The following IREB2 variants were observed in gnomAD, a reference collection of about 807,000 sequenced individuals.
The protein encoded by IREB2 is iron responsive element binding protein 2, also known as iron-responsive element-binding protein 2.
Under a neutral mutation model 118.8 loss-of-function variants are expected in IREB2, and 39 were observed. That is an observed-to-expected ratio of 0.33 (90% confidence interval 0.25 to 0.43). The LOEUF (loss-of-function observed/expected upper bound fraction) is 0.43. IREB2 is among the 20% of genes least tolerant of loss of function. The pLI is 1.00. For synonymous variants in IREB2, 372 were observed against 392.2 expected (o/e 0.95, Z 0.61); for missense variants, 900 against 1,147.3 (o/e 0.78, Z 3.11).
At chr15:78,445,145 T>TTA (rs1567161630) in intron 2 of IREB2, among the ~76,000 whole-genome samples, 6 of 151,402 alleles carry the variant, frequency 4.0e-5, no homozygotes, top group Non-Finnish European at 7.4e-5. Flanking sequence ...TATTTTTTTT[T>TTA]TTTTTTTTTT....
At chr15:78,440,567 G>C (rs1018624132) in intron 2 of IREB2, among the ~76,000 whole-genome samples, 2 of 152,094 alleles carry the variant, frequency 1.3e-5, no homozygotes, top group Non-Finnish European at 2.9e-5. Context: ...GGGTCTTGCT[G>C]TGTTGCCCAG....
At chr15:78,445,113 A>G (rs968969287) in intron 2 of IREB2, among the ~76,000 whole-genome samples, 40 of 148,056 alleles carry the variant, frequency 2.7e-4, no homozygotes, top group African/African-American at 9.4e-4. Context: ...TACTTTCACT[A>G]TTTACTGTTG....
Position 78,463,057 on chromosome 15 carries a change from TC to T in IREB2, c.245del (p.Pro82LeufsTer21). ...TKQSNVEVPF[F>X]PARVLLQDFT... Reference sequence around the variant, plus strand: ...CAAAGCAATGTTGAAGTGCCCTTTTTCCCTGCCCGTGTTCTTCTTCAAGATT... The same window carrying T: ...CAAAGCAATGTTGAAGTGCCCTTTTTCCTGCCCGTGTTCTTCTTCAAGATT... On this transcript the variant is annotated frameshift_variant, in exon 3 of 22. Transcript: ENST00000258886. LOFTEE classifies it high-confidence loss of function. 6.2e-7 allele frequency: 1 copy of T among 1,608,818 alleles called. No individual in the cohort carries two copies. The highest frequency in any genetic ancestry group is 8.5e-7 in the Non-Finnish European group (1 of 1,178,550).
Position 78,488,761 on chromosome 15 carries a change from A to C in IREB2, c.2066A>C (p.Asp689Ala), listed in dbSNP as rs777596001. The C allele has an allele frequency of 6.6e-7, 1 of 1,512,084 alleles. No homozygotes were observed. 93.7% of individuals were successfully genotyped at this position (1,512,084 alleles called of 1,614,324 possible). A position where few individuals can be genotyped will look rare whatever the true frequency, so the allele number is the denominator to read the frequency against. Residue 689 changes from aspartate to alanine, a missense_variant, in exon 16 of 22, where the codon GAT (aspartate) becomes GCT (alanine). Transcript: ENST00000258886. ...VILSMFKALK[D>A]KIEMGNKRWN... ...CTATCCATGTTTAAAGCATTAAAAG[A>C]TAAAATAGAAGTAAGAGTCTTATGT...
At chr15:78,457,449 T>C (rs1043699138) in intron 2 of IREB2, among the ~76,000 whole-genome samples, 2 of 152,186 alleles carry the variant, frequency 1.3e-5, no homozygotes, top group African/African-American at 4.8e-5. Flanking sequence ...GCCTGAGAAA[T>C]ACATTTTTGA....
At chr15:78,459,862 G>A (rs2051169074) in intron 2 of IREB2, among the ~76,000 whole-genome samples, 1 of 151,994 alleles carries the variant, frequency 6.6e-6, no homozygotes, top group Admixed American at 6.6e-5. Context: ...TCTTTATCCT[G>A]TAGAATGTCC....
chr15:78,473,598 C>G, intron 8 of IREB2: 1 of 501,814 alleles, frequency 2.0e-6, no homozygotes, highest in Non-Finnish European at 3.5e-6. Flanking sequence ...TATGTTAGCT[C>G]ATTTAGTCCT....
rs1395452152 is a variant in IREB2 at position 78,497,122 on chromosome 15, A to G, written c.2596-4A>G. 3 of 1,608,902 alleles carry G rather than the reference A, an allele frequency of 1.9e-6. No homozygotes were observed. The African/African-American group carries it at 4.0e-5, about 21-fold the overall frequency. On this transcript the variant is annotated splice_polypyrimidine_tract_variant and splice_region_variant and intron_variant, in intron 20 of 21. Transcript: ENST00000258886. ...AGAGGGAATAAAATGCACATTTATT[A>G]CAGGGTGTGAAAGCTGTTTTGGCCG...
Position 78,485,822 on chromosome 15 carries a change from C to T in IREB2, c.1691C>T (p.Pro564Leu). The T allele has an allele frequency of 6.2e-7, 1 of 1,613,524 alleles. No homozygotes were observed. The highest frequency in any genetic ancestry group is 8.5e-7 in the Non-Finnish European group (1 of 1,179,662). Reference sequence around the variant, plus strand: ...TACCTCAGTTCAAGTGGAGTATTACCATATCTAAGTAAGCTTGGGTAAGTA... The same window carrying T: ...TACCTCAGTTCAAGTGGAGTATTACTATATCTAAGTAAGCTTGGGTAAGTA... ...THYLSSSGVLPYLSKLGFEIV... is the reference protein window; with the variant it reads ...THYLSSSGVLLYLSKLGFEIV... The change falls in exon 13 of 22, where the codon CCA becomes CTA. Residue 564 changes from proline (P) to leucine (L), a missense_variant. Physicochemically the swap from Pro to Leu is moderately conservative, Grantham distance 98. Transcript: ENST00000258886.
chr15:78,481,863 AAATCAT>A, intron 10 of IREB2: 1 of 152,358 alleles, frequency 6.6e-6, no homozygotes, highest in South Asian at 2.1e-4. Context: ...AATAAAACTA[AAATCAT>A]TAGGATGTTG....
chr15:78,475,338 A>G (rs1426310393), intron 8 of IREB2: 2 of 152,230 alleles, frequency 1.3e-5, no homozygotes, highest in Non-Finnish European at 2.9e-5. Flanking sequence ...AAATAATTTT[A>G]GAAGGAATTA....
intron 2 of IREB2, among the ~76,000 whole-genome samples, chr15:78,445,033 TATC>T (rs1480835647): frequency 2.0e-5 from 3 of 152,226 alleles, no homozygotes; most frequent in African/African-American, 7.2e-5. Flanking sequence ...TGTGCAAACT[TATC>T]ATTATATAGA....
intron 2 of IREB2, among the ~76,000 whole-genome samples, chr15:78,444,031 G>T (rs895506804): frequency 2.6e-5 from 4 of 151,924 alleles, no homozygotes; most frequent in Non-Finnish European, 5.9e-5. Context: ...AATCTAGGTA[G>T]TCTCAAAATG....
At chr15:78,458,129 A>C (rs996480184) in intron 2 of IREB2, among the ~76,000 whole-genome samples, 1 of 152,142 alleles carries the variant, frequency 6.6e-6, no homozygotes, top group Non-Finnish European at 1.5e-5. Flanking sequence ...CAAAGGCCAT[A>C]CCTGTAGTAA....
At chr15:78,470,746 G>C in intron 6 of IREB2, 145 bp downstream of exon 6, 1 of 439,250 alleles carries the variant, frequency 2.3e-6, no homozygotes. Context: ...CCAGGCTGGA[G>C]TCCAGTGGCG....
chr15:78,475,425 C>CA (rs1435199927), intron 8 of IREB2: 1 of 152,020 alleles, frequency 6.6e-6, no homozygotes, highest in East Asian at 1.9e-4. Context: ...ACATTTGGGC[C>CA]AGTAGTTATA....
At position 78,496,921 on chromosome 15, in the gene IREB2, C is replaced by T. The variant is rs146748988; in HGVS notation, c.2596-205C>T. Among the ~76,000 whole-genome samples the T allele has an allele frequency of 4.0e-3, 609 of 151,996 alleles. 6 individuals carry two copies. Among genetic ancestry groups the T allele is most frequent in the African/African-American group, 0.013 (533 of 41,438 alleles). On this transcript the variant is annotated intron_variant, in intron 20 of 21. Coordinates refer to ENST00000258886, the MANE Select transcript of IREB2 (RefSeq NM_004136.4). ...AACCCTAGAGCAGCAGAAAGGGATC[C>T]GAATAATTTAGAGAGCTCCATAAAA...
intron 10 of IREB2, among the ~76,000 whole-genome samples, chr15:78,478,648 G>T (rs774930897): frequency 6.6e-6 from 1 of 152,226 alleles, no homozygotes; most frequent in Non-Finnish European, 1.5e-5. Context: ...GAAAGTTGCA[G>T]TGAGCTGAGA....
Position 78,460,124 on chromosome 15 carries a change from C to G in IREB2, c.107-2798C>G, listed in dbSNP as rs541930378. Among the ~76,000 whole-genome samples the G allele has an allele frequency of 1.4e-4, 21 of 152,280 alleles. No homozygotes were observed. The East Asian group carries it at 4.0e-3, about 29-fold the overall frequency. ...TGATGCTAAGTGGGTATGAGTGTTA[C>G]CAGCTTGTAAGCGCGCCATCCACAT... On this transcript the variant is annotated intron_variant, in intron 2 of 21. Transcript: ENST00000258886.
Sources: allele counts gnomAD v4.1 joint callset (sites outside exome capture counted in the v4.1 genomes callset), GRCh38; gene constraint gnomAD v4.1.1; transcripts MANE v1.5; gene names NCBI Gene and HGNC (gene_info 2026-07-23, HGNC 2026-07-21).